DOCK1: variants seen among roughly 807,000 people sequenced by gnomAD.
DOCK1 encodes the protein dedicator of cytokinesis 1.
DOCK1 carries 138 observed loss-of-function variants against 262.7 expected under a neutral mutation model. That is an observed-to-expected ratio of 0.53 (90% CI 0.46 to 0.61). The LOEUF is 0.61. DOCK1 is among the 20% of genes least tolerant of loss of function. The pLI, the probability that DOCK1 is intolerant of heterozygous loss-of-function variation, is 0.00. For synonymous variants in DOCK1, 866 were observed against 867.4 expected, an observed-to-expected ratio of 1.00 and a Z score of 0.03; for missense variants, 1,908 against 2,370.7, an observed-to-expected ratio of 0.80 and a Z score of 4.05.
intron 44 of DOCK1, among the ~76,000 whole-genome samples, chr10:127,418,015 CACA>C (rs2068264677): frequency 6.6e-6 from 1 of 151,986 alleles, no homozygotes; most frequent in South Asian, 2.1e-4. Flanking sequence ...TCTCCCTCAG[CACA>C]ACAAGCAGAG....
chr10:127,052,106 T>C (rs1407915401), intron 21 of DOCK1, among the ~76,000 whole-genome samples: 5 of 152,230 alleles, frequency 3.3e-5, no homozygotes, highest in Non-Finnish European at 2.9e-5. Flanking sequence ...CTCATAGTGT[T>C]GCTGTGAAGG....
At chr10:126,990,143 G>A (rs948066726) in intron 5 of DOCK1, among the ~76,000 whole-genome samples, 19 of 152,310 alleles carry the variant, frequency 1.2e-4, no homozygotes, top group African/African-American at 4.1e-4. Flanking sequence ...AAGCTCACGA[G>A]CAGGTGTTGA....
intron 29 of DOCK1, among the ~76,000 whole-genome samples, chr10:127,312,413 AG>A (rs2062095297): frequency 1.3e-5 from 2 of 152,214 alleles, no homozygotes; most frequent in South Asian, 4.2e-4. Context: ...CTGGGCTCCC[AG>A]GCCCTATGCA....
chr10:127,045,913 A>G (rs2044317803), intron 21 of DOCK1, among the ~76,000 whole-genome samples: 1 of 152,162 alleles, frequency 6.6e-6, no homozygotes, highest in Non-Finnish European at 1.5e-5. Context: ...TGCAGGTATA[A>G]GATGGCCTGG....
intron 1 of DOCK1, among the ~76,000 whole-genome samples, chr10:126,915,606 A>C (rs1207377662): frequency 1.3e-5 from 2 of 152,136 alleles, no homozygotes; most frequent in African/African-American, 4.8e-5. Flanking sequence ...TTTAGTAGTA[A>C]CACGGGGTTT....
chr10:127,049,479 C>G (rs1331004450), intron 21 of DOCK1, among the ~76,000 whole-genome samples: 1 of 151,992 alleles, frequency 6.6e-6, no homozygotes, highest in Non-Finnish European at 1.5e-5. Flanking sequence ...CACGATCACG[C>G]TACTGCACGC....
rs1428959740 is a variant in DOCK1 at position 127,032,097 on chromosome 10, T to A, written c.1729-40T>A. ...GTGGCAAAAATGGTGTGTTGCTGTT[T>A]GTGAATTGCCTTTGACATACGGCAT... On this transcript the variant is annotated intron_variant, in intron 17 of 51. Coordinates refer to ENST00000623213, the MANE Select transcript of DOCK1 (RefSeq NM_001290223.2). 1.9e-6 allele frequency: 3 copies of A among 1,560,724 alleles called. No individual in the cohort carries two copies. In the Admixed American group the frequency reaches 5.8e-5, roughly 30 times the overall value.
At chr10:127,000,336 A>T in intron 10 of DOCK1, 29 bp downstream of exon 10, 2 of 1,609,022 alleles carry the variant, frequency 1.2e-6, no homozygotes, top group Non-Finnish European at 1.7e-6. Context: ...TTTCCTTGAG[A>T]GTTTCAGATC....
intron 29 of DOCK1, among the ~76,000 whole-genome samples, chr10:127,260,992 CATG>C (rs2060042016): frequency 5.1e-5 from 2 of 39,222 alleles, no homozygotes; most frequent in Admixed American, 7.0e-4. Flanking sequence ...TACCCGTGCT[CATG>C]TGTGTGTACC....
At chr10:126,960,320 G>T (rs891756975) in intron 1 of DOCK1, among the ~76,000 whole-genome samples, 1 of 151,948 alleles carries the variant, frequency 6.6e-6, no homozygotes, top group Non-Finnish European at 1.5e-5. Flanking sequence ...TATTGTAGTG[G>T]GGGCATGGCA....
In DOCK1 at chr10:127,042,707, A is replaced by G. The variant is rs1219227153; in HGVS notation, c.2093A>G (p.Asp698Gly). Residue 698 changes from aspartate (D) to glycine (G), a missense_variant, in exon 20 of 52, where the codon GAT becomes GGT. Asp to Gly is a moderately conservative substitution (Grantham distance 94). This residue lies in a region of DOCK1 where 294 missense variants were observed against 439.9 expected (regional missense o/e 0.67). Transcript: ENST00000623213. ...GAGACTTTTGACACGTTAGTCTTTG[A>G]TGCTCTGGTAAGAGAGCTTTCCTTC... ...ESETFDTLVF[D>G]ALVFIIGLIA... 3 of 1,613,894 alleles carry G rather than the reference A, an allele frequency of 1.9e-6. No homozygotes were observed. The highest frequency in any genetic ancestry group is 2.2e-5 in the East Asian group (1 of 44,878).
chr10:127,279,483 TCCAATAAGGTAATCG>T (rs1407855069), intron 29 of DOCK1, among the ~76,000 whole-genome samples: 5 of 152,254 alleles, frequency 3.3e-5, no homozygotes, highest in Non-Finnish European at 5.9e-5. Flanking sequence ...CATGAGGTCA[TCCAATAAGGTAATCG>T]CTTGGAGAAA....
intron 29 of DOCK1, among the ~76,000 whole-genome samples, chr10:127,295,966 G>A (rs1035214522): frequency 3.9e-5 from 6 of 152,116 alleles, no homozygotes; most frequent in African/African-American, 9.7e-5. Context: ...AATAAATATA[G>A]CAGGGGCCTA....
intron 23 of DOCK1, among the ~76,000 whole-genome samples, chr10:127,099,604 G>A (rs185139129): frequency 2.0e-5 from 3 of 152,220 alleles, no homozygotes; most frequent in African/African-American, 4.8e-5. Flanking sequence ...AAGAGAGAGC[G>A]CAGGGAGGTG....
chr10:127,097,413 A>G (rs1354503062), intron 23 of DOCK1, among the ~76,000 whole-genome samples: 2 of 152,120 alleles, frequency 1.3e-5, no homozygotes, highest in African/African-American at 4.8e-5. Context: ...ATTCTCTCTG[A>G]TTTTGTTTGT....
chr10:127,006,737 A>C (rs1436573225), intron 10 of DOCK1, among the ~76,000 whole-genome samples: 2 of 152,144 alleles, frequency 1.3e-5, no homozygotes, highest in Non-Finnish European at 2.9e-5. Context: ...GCCTTCCTGC[A>C]CATGGTCCTG....
At chr10:127,055,460 G>A (rs1211554487) in intron 22 of DOCK1, among the ~76,000 whole-genome samples, 1 of 152,182 alleles carries the variant, frequency 6.6e-6, no homozygotes, top group African/African-American at 2.4e-5. Context: ...TTATTGGCCA[G>A]AACCATGTCA....
intron 29 of DOCK1, among the ~76,000 whole-genome samples, chr10:127,293,649 A>C (rs920585144): frequency 6.6e-6 from 1 of 152,156 alleles, no homozygotes; most frequent in East Asian, 1.9e-4. Flanking sequence ...GGGTCTGGGG[A>C]CATGGGATGA....
chr10:126,989,773 C>T (rs898917878), intron 5 of DOCK1, among the ~76,000 whole-genome samples: 1 of 152,112 alleles, frequency 6.6e-6, no homozygotes, highest in Admixed American at 6.5e-5. Context: ...TTCTTTGAAC[C>T]GTCAATCCCA....
Sources: allele counts gnomAD v4.1 joint callset (sites outside exome capture counted in the v4.1 genomes callset), GRCh38; gene constraint gnomAD v4.1.1; regional missense constraint gnomAD v4.1.1; transcripts MANE v1.5; gene names NCBI Gene and HGNC (gene_info 2026-07-23, HGNC 2026-07-21).